The following SH3GL2 variants were observed in gnomAD, a reference collection of about 807,000 sequenced individuals.
SH3GL2 encodes the protein SH3 domain containing GRB2 like 2, endophilin A1.
Under a neutral mutation model 46.0 loss-of-function variants are expected in SH3GL2, and 24 were observed. The ratio of observed to expected loss-of-function variants is 0.52; its 90% CI spans 0.38 to 0.73. The LOEUF (loss-of-function observed/expected upper bound fraction) is 0.73, where lower values mean the gene tolerates loss of function less well. Ranked by LOEUF, SH3GL2 falls within the 30% of genes least tolerant of loss-of-function variation. The pLI is 0.00. For synonymous variants in SH3GL2, 196 were observed against 147.1 expected, an observed-to-expected ratio of 1.33 and a Z score of -2.40; for missense variants, 413 against 424.2, an observed-to-expected ratio of 0.97 and a Z score of 0.23.
At chr9:17,773,730 A>G (rs988254147) in intron 3 of SH3GL2, among the ~76,000 whole-genome samples, 1 of 151,952 alleles carries the variant, frequency 6.6e-6, no homozygotes, top group African/African-American at 2.4e-5. Flanking sequence ...TCAAATCAGG[A>G]GGTGTGAGTC....
Position 17,733,252 on chromosome 9 carries a change from T to G in SH3GL2, c.46-13814T>G, listed in dbSNP as rs965138693. Among the ~76,000 whole-genome samples, 8 of 152,156 alleles carry G rather than the reference T, an allele frequency of 5.3e-5. No homozygotes were observed. In the South Asian group the frequency reaches 1.7e-3, roughly 32 times the overall value. On this transcript the variant is annotated intron_variant, in intron 1 of 8. Coordinates refer to ENST00000380607, the MANE Select transcript of SH3GL2 (RefSeq NM_003026.5). ...TGTTTATTTCCCTCTCACATTCTCT[T>G]TTTTTAAATTTTTTTTATTTTTTTC...
At chr9:17,685,976 A>C (rs1378855827) in intron 1 of SH3GL2, among the ~76,000 whole-genome samples, 13 of 147,440 alleles carry the variant, frequency 8.8e-5, no homozygotes, top group Non-Finnish European at 1.9e-4. Flanking sequence ...TCTGCACAGC[A>C]AAAGAAACTA....
chr9:17,684,161 T>C (rs1295494149), intron 1 of SH3GL2, among the ~76,000 whole-genome samples: 1 of 152,118 alleles, frequency 6.6e-6, no homozygotes, highest in African/African-American at 2.4e-5. Context: ...TAAATAACTA[T>C]GATCAATATG....
At chr9:17,605,548 A>G (rs1588168057) in intron 1 of SH3GL2, among the ~76,000 whole-genome samples, 2 of 152,170 alleles carry the variant, frequency 1.3e-5, no homozygotes, top group African/African-American at 4.8e-5. Context: ...CTTTCAGTAT[A>G]TAGTCCTAGT....
chr9:17,770,919 A>G (rs1823461016), intron 3 of SH3GL2, among the ~76,000 whole-genome samples: 1 of 152,190 alleles, frequency 6.6e-6, no homozygotes. Context: ...TGGCCTCCAC[A>G]TGGCAAAGCA....
intron 1 of SH3GL2, among the ~76,000 whole-genome samples, chr9:17,600,325 A>G (rs1413820646): frequency 6.6e-6 from 1 of 152,196 alleles, no homozygotes; most frequent in African/African-American, 2.4e-5. Context: ...AAGGTAGGAG[A>G]AACTAAGACA....
In SH3GL2 at chr9:17,797,011, G is replaced by T. The variant is rs1009262363; in HGVS notation, c.*1268G>T. The T allele has an allele frequency of 3.9e-5, 6 of 152,642 alleles. No individual in the cohort carries two copies. Among genetic ancestry groups the T allele is most frequent in the Non-Finnish European group, 8.8e-5 (6 of 68,034 alleles). The allele number at this position is 152,642 out of a possible 1,614,324, so 9.5% of individuals were successfully genotyped here. Reference sequence around the variant, plus strand: ...AGAGGTTTAACGTGCTGCTTCCGATGTGCCACCTGCAGTAGTGGATCATGT... The same window carrying T: ...AGAGGTTTAACGTGCTGCTTCCGATTTGCCACCTGCAGTAGTGGATCATGT... On this transcript the variant is annotated 3_prime_UTR_variant, in exon 9 of 9. Transcript: ENST00000380607.
In SH3GL2 at chr9:17,616,780, G is replaced by T. The variant is rs115557332; in HGVS notation, c.45+37493G>T. 3.8e-3 allele frequency among the ~76,000 whole-genome samples: 584 copies of T among 151,822 alleles called. 6 individuals are homozygous for T. Among genetic ancestry groups the T allele is most frequent in the African/African-American group, 0.014 (563 of 41,396 alleles). On this transcript the variant is annotated intron_variant, in intron 1 of 8. Coordinates refer to ENST00000380607, the MANE Select transcript of SH3GL2 (RefSeq NM_003026.5). ...TAGCCTGTTGGTTTAGTAGATTTTT[G>T]CATCTTATTGTCTGATTTTTATACC...
chr9:17,625,267 G>A (rs1819255657), intron 1 of SH3GL2, among the ~76,000 whole-genome samples: 1 of 152,178 alleles, frequency 6.6e-6, no homozygotes, highest in South Asian at 2.1e-4. Flanking sequence ...GGAGCAGCCT[G>A]CAGAGGCCAG....
At chr9:17,666,578 G>GTGTATATA (rs144961549) in intron 1 of SH3GL2, among the ~76,000 whole-genome samples, 2 of 148,126 alleles carry the variant, frequency 1.4e-5, no homozygotes, top group East Asian at 2.0e-4. Flanking sequence ...GTGTGTGTGT[G>GTGTATATA]TATATACATT....
intron 1 of SH3GL2, among the ~76,000 whole-genome samples, chr9:17,644,063 AG>A (rs1336284173): frequency 1.3e-5 from 2 of 151,966 alleles, no homozygotes; most frequent in Non-Finnish European, 2.9e-5. Flanking sequence ...TAGTCTTGGG[AG>A]GGTGTATGTG....
rs180847562 is a variant in SH3GL2, at chr9:17,789,383, C to G, written c.466-9C>G. On this transcript the variant is annotated splice_polypyrimidine_tract_variant and intron_variant, in intron 5 of 8. Coordinates refer to ENST00000380607, the MANE Select transcript of SH3GL2 (RefSeq NM_003026.5). ...TTTCAAAGCCTATTCCTGCCCTTGA[C>G]TTTTGCAGCATCATCTAAAGAAGTT... The G allele has an allele frequency of 2.5e-6, 4 of 1,612,274 alleles. No individual in the cohort carries two copies. In the East Asian group the frequency reaches 8.9e-5, roughly 36 times the overall value.
chr9:17,788,183 G>GCCT (rs976599018), intron 5 of SH3GL2, among the ~76,000 whole-genome samples: 3 of 152,018 alleles, frequency 2.0e-5, no homozygotes, highest in Admixed American at 2.0e-4. Context: ...TTGAACTAGG[G>GCCT]CCTCCTCCTC....
intron 1 of SH3GL2, among the ~76,000 whole-genome samples, chr9:17,710,180 T>C (rs970995027): frequency 1.3e-5 from 2 of 151,994 alleles, no homozygotes; most frequent in Non-Finnish European, 2.9e-5. Flanking sequence ...CAAGATCTCA[T>C]GGTTTAAAAA....
chr9:17,585,738 CAGA>C (rs1336281930), intron 1 of SH3GL2, among the ~76,000 whole-genome samples: 54 of 152,252 alleles, frequency 3.5e-4, no homozygotes, highest in African/African-American at 1.3e-3. Context: ...AGGTCGTGGT[CAGA>C]AGAAGACAGA....
intron 1 of SH3GL2, among the ~76,000 whole-genome samples, chr9:17,746,335 C>T (rs934031539): frequency 6.6e-6 from 1 of 152,190 alleles, no homozygotes; most frequent in East Asian, 1.9e-4. Context: ...CTCGGCCTCC[C>T]AAAGTGCTGG....
At chr9:17,719,959 T>TA (rs1821852234) in intron 1 of SH3GL2, among the ~76,000 whole-genome samples, 2 of 146,438 alleles carry the variant, frequency 1.4e-5, no homozygotes, top group African/African-American at 5.5e-5. Flanking sequence ...TTTTTATTTC[T>TA]GTTTACTAAT....
intron 6 of SH3GL2, 164 bp downstream of exon 6, chr9:17,789,714 T>C: frequency 3.6e-6 from 5 of 1,370,050 alleles, no homozygotes; most frequent in Non-Finnish European, 4.7e-6. Flanking sequence ...TAAAGTAGAC[T>C]GAGAAATAGA....
chr9:17,706,454 G>T (rs1204243111), intron 1 of SH3GL2, among the ~76,000 whole-genome samples: 1 of 152,038 alleles, frequency 6.6e-6, no homozygotes, highest in African/African-American at 2.4e-5. Flanking sequence ...TTTTGATTCT[G>T]CCAGATGCAG....
Sources: gnomAD v4.1 joint callset for allele counts (sites outside exome capture counted in the v4.1 genomes callset) on GRCh38, gnomAD v4.1.1 for gene constraint, MANE v1.5 for transcripts, NCBI Gene and HGNC (gene_info 2026-07-23, HGNC 2026-07-21) for gene names.